The following SOX5 variants were observed in gnomAD, a reference collection of about 807,000 sequenced individuals.
The protein encoded by SOX5 is SRY-box transcription factor 5.
SOX5 carries 9 observed loss-of-function variants against 92.0 expected under a neutral mutation model. The ratio of observed to expected loss-of-function variants is 0.10; its 90% CI spans 0.06 to 0.17. SOX5 has a LOEUF of 0.17. Ranked by LOEUF, SOX5 falls within the 10% of genes least tolerant of loss-of-function variation. SOX5 has a pLI of 1.00. For missense variants in SOX5, 642 were observed against 944.5 expected (o/e 0.68, Z 4.20); for synonymous variants, 344 against 336.3 (o/e 1.02, Z -0.25).
chr12:23,939,576 A>T (rs972198654), intron 1 of SOX5, among the ~76,000 whole-genome samples: 14 of 151,008 alleles, frequency 9.3e-5, no homozygotes, highest in Non-Finnish European at 1.9e-4. Context: ...ATTTGTACAA[A>T]GATTTCATGA....
chr12:24,128,796 T>C (rs1392178593), intron 4 of SOX5, among the ~76,000 whole-genome samples: 1 of 152,210 alleles, frequency 6.6e-6, no homozygotes, highest in South Asian at 2.1e-4. Context: ...GATTATAATA[T>C]AATCTGATTG....
At chr12:24,339,413 C>T (rs1363903948) in intron 2 of SOX5, among the ~76,000 whole-genome samples, 3 of 151,962 alleles carry the variant, frequency 2.0e-5, no homozygotes, top group Admixed American at 1.3e-4. Flanking sequence ...CAAAGGCCTG[C>T]AGGTGAGAGG....
At chr12:24,171,273 G>C (rs569047565) in intron 4 of SOX5, among the ~76,000 whole-genome samples, 196 of 136,840 alleles carry the variant, frequency 1.4e-3, no homozygotes, top group Non-Finnish European at 2.5e-3. Flanking sequence ...ACCCAGGCTG[G>C]AGTGCAGTGG....
intron 1 of SOX5, among the ~76,000 whole-genome samples, chr12:24,516,886 A>C (rs780481142): frequency 2.5e-4 from 38 of 152,226 alleles, no homozygotes; most frequent in Non-Finnish European, 5.4e-4. Context: ...AAAAATAATA[A>C]TATAAATGTA....
chr12:23,815,227 G>A (rs1438791693), intron 3 of SOX5, among the ~76,000 whole-genome samples: 1 of 152,076 alleles, frequency 6.6e-6, no homozygotes, highest in African/African-American at 2.4e-5. Flanking sequence ...TAAAGGAGGA[G>A]AAAATGATAG....
intron 2 of SOX5, among the ~76,000 whole-genome samples, chr12:23,860,283 C>T (rs1416673666): frequency 2.3e-5 from 3 of 130,684 alleles, no homozygotes; most frequent in Non-Finnish European, 4.8e-5. Context: ...TTCACATGTA[C>T]CCCCAAACCT....
chr12:23,666,214 T>C (rs1189597288), intron 6 of SOX5, among the ~76,000 whole-genome samples: 1 of 152,108 alleles, frequency 6.6e-6, no homozygotes, highest in East Asian at 1.9e-4. Context: ...TCTTGAATCC[T>C]GCTACAGATT....
At chr12:24,226,874 G>T in intron 3 of SOX5, among the ~76,000 whole-genome samples, 1 of 122,976 alleles carries the variant, frequency 8.1e-6, no homozygotes, top group South Asian at 2.9e-4. Context: ...ATGAATGAAT[G>T]AATGAATGAA....
intron 1 of SOX5, among the ~76,000 whole-genome samples, chr12:24,527,564 A>T (rs1950825593): frequency 6.6e-6 from 1 of 152,202 alleles, no homozygotes; most frequent in Admixed American, 6.5e-5. Context: ...CAAATCTACT[A>T]TCAGTAAGGA....
Position 23,531,974 on chromosome 12 carries a change from G to A in SOX5, c.*2245C>T, listed in dbSNP as rs1160224910. ...ATACATACATATATGAGTTGGAGAT[G>A]GAAATTTGTTTTAAATATCTAACAG... On this transcript the variant is annotated 3_prime_UTR_variant, in exon 15 of 15. Coordinates refer to ENST00000451604, the MANE Select transcript of SOX5 (RefSeq NM_006940.6). The A allele has an allele frequency of 6.7e-6, 1 of 150,298 alleles. No individual in the cohort carries two copies. Among genetic ancestry groups the A allele is most frequent in the African/African-American group, 2.4e-5 (1 of 40,978 alleles). The allele number at this position is 150,298 out of a possible 1,614,324, so 9.3% of individuals were successfully genotyped here.
intron 3 of SOX5, among the ~76,000 whole-genome samples, chr12:24,268,737 T>G (rs1188847486): frequency 6.6e-6 from 1 of 152,208 alleles, no homozygotes; most frequent in Non-Finnish European, 1.5e-5. Flanking sequence ...GTGCCTTCTT[T>G]ATTAAAGTAA....
chr12:24,346,844 C>A (rs1359405603), intron 2 of SOX5, among the ~76,000 whole-genome samples: 1 of 150,900 alleles, frequency 6.6e-6, no homozygotes, highest in East Asian at 1.9e-4. Flanking sequence ...CACTTGGACA[C>A]AGGAAGGGGA....
At chr12:23,538,880 A>C (rs1192965371) in intron 13 of SOX5, among the ~76,000 whole-genome samples, 1 of 141,170 alleles carries the variant, frequency 7.1e-6, no homozygotes, top group Non-Finnish European at 1.5e-5. Flanking sequence ...GGCTCACTGC[A>C]AGCTCCACCT....
At chr12:24,347,497 C>CA (rs534663024) in intron 2 of SOX5, among the ~76,000 whole-genome samples, 13 of 151,022 alleles carry the variant, frequency 8.6e-5, no homozygotes, top group African/African-American at 1.9e-4. Context: ...AATTTTCAAG[C>CA]AAAAAAAATT....
intron 4 of SOX5, among the ~76,000 whole-genome samples, chr12:23,998,772 GCCT>G (rs1951286121): frequency 8.0e-6 from 1 of 125,168 alleles, no homozygotes; most frequent in South Asian, 2.7e-4. Flanking sequence ...TTGCACTCCA[GCCT>G]GGGTAACAAG....
chr12:24,199,006 C>T (rs1257127633), intron 4 of SOX5, among the ~76,000 whole-genome samples: 2 of 152,184 alleles, frequency 1.3e-5, no homozygotes, highest in African/African-American at 4.8e-5. Context: ...ACAGACGTGG[C>T]TGCACAAATG....
At chr12:24,392,362 A>T (rs867669119) in intron 1 of SOX5, among the ~76,000 whole-genome samples, 1 of 152,088 alleles carries the variant, frequency 6.6e-6, no homozygotes, top group African/African-American at 2.4e-5. Flanking sequence ...TGATCTTACT[A>T]TGCCTTCCTT....
chr12:24,352,612 G>GT (rs1310954679), intron 2 of SOX5, among the ~76,000 whole-genome samples: 3 of 152,252 alleles, frequency 2.0e-5, no homozygotes, highest in East Asian at 1.9e-4. Context: ...GCACTGATTG[G>GT]TTTTTTTATC....
At chr12:24,273,532 T>C (rs939302453) in intron 3 of SOX5, among the ~76,000 whole-genome samples, 4 of 152,204 alleles carry the variant, frequency 2.6e-5, no homozygotes, top group African/African-American at 9.6e-5. Context: ...GTTGTGGTGC[T>C]TCCTTTTTCA....
Sources: allele counts gnomAD v4.1 joint callset (sites outside exome capture counted in the v4.1 genomes callset), GRCh38; gene constraint gnomAD v4.1.1; transcripts MANE v1.5; gene names NCBI Gene and HGNC (gene_info 2026-07-23, HGNC 2026-07-21).